Variants in TEAD2 observed in about 807,000 individuals in gnomAD.
TEAD2 encodes the protein TEA domain transcription factor 2.
A neutral mutation model predicts 61.4 loss-of-function variants in TEAD2; 51 were observed. The observed-to-expected ratio is 0.83, with a 90% CI of 0.66 to 1.05. TEAD2 has a LOEUF of 1.05. TEAD2 is among the 50% of genes least tolerant of loss of function. TEAD2 has a pLI of 0.00. For synonymous variants in TEAD2, 244 were observed against 243.2 expected (o/e 1.00, Z -0.03); for missense variants, 509 against 600.0 (o/e 0.85, Z 1.58).
chr19:49,357,242 T>A lies in TEAD2; in HGVS notation c.360+10A>T. On this transcript the variant is annotated intron_variant, in intron 4 of 12. Transcript: ENST00000593945. The stretch of plus-strand genomic sequence containing the variant: ...TGTCCCCCTCTCAGGATGTCTGCAT[T>A]GGTCCCTACCTTCAACTTGGACTGG... 6.2e-7 allele frequency: 1 copy of A among 1,600,458 alleles called. No individual in the cohort carries two copies. The highest frequency in any genetic ancestry group is 2.3e-5 in the East Asian group (1 of 43,528).
Position 49,341,418 on chromosome 19 carries a change from G to T in TEAD2, c.1262C>A (p.Thr421Asn). 1 of 1,614,004 alleles carries T rather than the reference G, an allele frequency of 6.2e-7. No homozygotes were observed. The highest frequency in any genetic ancestry group is 8.5e-7 in the Non-Finnish European group (1 of 1,179,912). The change falls in exon 13 of 13, where the codon ACC becomes AAC. Residue 421 changes from threonine (T) to asparagine (N), a missense_variant. Coordinates refer to ENST00000593945, the MANE Select transcript of TEAD2 (RefSeq NM_001256660.2). The surrounding 1 kb of genome is among the most constrained non-coding windows in gnomAD (Gnocchi z 4.2). ...TILQVVTNRD[T>N]QELLLCTAYV... ...GGCGGTGCAGAGCAGCAGTTCCTGG[G>T]TGTCTCTGTTTGTCACCACCTGCCA...
At chr19:49,355,548 C>A in intron 5 of TEAD2, 129 bp from the exon 6 acceptor site, 1 of 750,142 alleles carries the variant, frequency 1.3e-6, no homozygotes, top group South Asian at 1.7e-5. Context: ...GGTTAGTGGC[C>A]GGGCATGGTG....
chr19:49,345,006 C>A (rs139299738), intron 10 of TEAD2, among the ~76,000 whole-genome samples: 1 of 152,176 alleles, frequency 6.6e-6, no homozygotes, highest in Non-Finnish European at 1.5e-5. Context: ...CTCAGGGGCC[C>A]GACTCCATCT....
rs781083059 is a variant in TEAD2, at chr19:49,348,760, G to T, written c.690C>A (p.Ala230=). Residue 230 remains alanine, a synonymous_variant, in exon 9 of 13, where the codon GCC becomes GCA. Transcript: ENST00000593945. The stretch of plus-strand genomic sequence containing the variant: ...CTGAGAACTCTACCAGCTGCAACCG[G>T]GCGGTGCCCAGGCCCCGAGCCTGCC... ...PAWQARGLGT[A]RLQLVEFSAF... is the part of the protein sequence containing the mutation. 6.2e-7 allele frequency: 1 copy of T among 1,614,066 alleles called. No homozygotes were observed. The highest frequency in any genetic ancestry group is 1.7e-4 in the Middle Eastern group (1 of 6,054).
At chr19:49,352,759 C>T (rs544504949) in intron 7 of TEAD2, among the ~76,000 whole-genome samples, 8 of 152,212 alleles carry the variant, frequency 5.3e-5, no homozygotes, top group African/African-American at 1.9e-4. Context: ...AGGCTGGTCT[C>T]GAACTCCTGA....
At position 49,359,587 on chromosome 19, in the gene TEAD2, G is replaced by A. The variant is rs1972673274; in HGVS notation, c.233-88C>T. 1 of 1,486,704 alleles carries A rather than the reference G, an allele frequency of 6.7e-7. No homozygotes were observed. 92.1% of individuals were successfully genotyped at this position (1,486,704 alleles called of 1,614,324 possible). On this transcript the variant is annotated intron_variant, in intron 2 of 12. Transcript: ENST00000593945. The surrounding 1 kb of genome is among the most constrained non-coding windows in gnomAD (Gnocchi z 4.1). The stretch of plus-strand genomic sequence containing the variant: ...ACACCAGGGAAGAAGAAAGCAGCAT[G>A]GGTCCCCAAAGGTCTGCAGCAAGTG...
At position 49,348,832 on chromosome 19, in the gene TEAD2, G is replaced by C; in HGVS notation, c.618C>G (p.Pro206=). ...PSTDLPGYEP[P]QALSPLPPPT... is the part of the protein sequence containing the mutation. Reference sequence around the variant, plus strand: ...GTGGGGGCAGGGGTGAGAGGGCTTGGGGGGGCTCGTACCCTAGAGAGAGAG... The same window carrying C: ...GTGGGGGCAGGGGTGAGAGGGCTTGCGGGGGCTCGTACCCTAGAGAGAGAG... Residue 206 remains proline (P), a synonymous_variant, in exon 9 of 13, where the codon CCC becomes CCG. Coordinates refer to ENST00000593945, the MANE Select transcript of TEAD2 (RefSeq NM_001256660.2). The C allele has an allele frequency of 6.4e-7, 1 of 1,573,660 alleles. No homozygotes were observed. Among genetic ancestry groups the C allele is most frequent in the Non-Finnish European group, 8.6e-7 (1 of 1,164,506 alleles).
At position 49,359,576 on chromosome 19, in the gene TEAD2, G is replaced by A; in HGVS notation, c.233-77C>T. ...CCACAGCATGGACACCAGGGAAGAA[G>A]AAAGCAGCATGGGTCCCCAAAGGTC... On this transcript the variant is annotated intron_variant, in intron 2 of 12. Coordinates refer to ENST00000593945, the MANE Select transcript of TEAD2 (RefSeq NM_001256660.2). This position sits in a 1 kb window ranked among gnomAD's most constrained non-coding sequence, Gnocchi z 4.1. 3 of 1,536,514 alleles carry A rather than the reference G, an allele frequency of 2.0e-6. No individual in the cohort carries two copies. Among genetic ancestry groups the A allele is most frequent in the East Asian group, 2.3e-5 (1 of 44,414 alleles).
intron 10 of TEAD2, 107 bp downstream of exon 10, chr19:49,347,083 C>G: frequency 6.9e-7 from 1 of 1,445,156 alleles, no homozygotes; most frequent in Non-Finnish European, 9.5e-7. Flanking sequence ...ACTGGTAAGT[C>G]CCAGGCTGAC....
chr19:49,354,058 A>G (rs1232495021), intron 7 of TEAD2, among the ~76,000 whole-genome samples: 4 of 149,046 alleles, frequency 2.7e-5, no homozygotes, highest in Non-Finnish European at 5.9e-5. Flanking sequence ...TCAGCCTCCC[A>G]AAGTGCTGGG....
intron 1 of TEAD2, among the ~76,000 whole-genome samples, chr19:49,360,961 C>T (rs1369970522): frequency 4.0e-5 from 3 of 74,392 alleles, no homozygotes; most frequent in Non-Finnish European, 7.1e-5. Context: ...AGACCAGTGA[C>T]GGAGGGGACA....
chr19:49,352,614 G>A (rs942125276), intron 7 of TEAD2, among the ~76,000 whole-genome samples: 3 of 152,148 alleles, frequency 2.0e-5, no homozygotes, highest in African/African-American at 4.8e-5. Context: ...TTGGCTCACC[G>A]CAACCTCCGC....
intron 7 of TEAD2, among the ~76,000 whole-genome samples, chr19:49,353,979 T>C (rs371036731): frequency 6.6e-6 from 1 of 150,618 alleles, no homozygotes; most frequent in African/African-American, 2.4e-5. Flanking sequence ...TTGGTGTTTT[T>C]AGTAGAGACG....
Position 49,359,722 on chromosome 19 carries a change from G to T in TEAD2, c.232+122C>A. The T allele has an allele frequency of 8.9e-7, 1 of 1,121,386 alleles. No homozygotes were observed. Among genetic ancestry groups the T allele is most frequent in the Non-Finnish European group, 1.3e-6 (1 of 767,030 alleles). 69.5% of individuals were successfully genotyped at this position (1,121,386 alleles called of 1,614,324 possible). On this transcript the variant is annotated intron_variant, in intron 2 of 12. Transcript: ENST00000593945. The surrounding 1 kb of genome is among the most constrained non-coding windows in gnomAD (Gnocchi z 4.1). ...TAAGCAAATCACTTAACCTAGCTGT[G>T]CCTCAGTTTCCTCATCTGTGCAAAT...
chr19:49,350,597 A>C (rs1358245724), intron 8 of TEAD2, among the ~76,000 whole-genome samples: 1 of 152,032 alleles, frequency 6.6e-6, no homozygotes, highest in Non-Finnish European at 1.5e-5. Context: ...GGCCTCCCAA[A>C]GTGCTGGGAT....
chr19:49,351,346 T>C lies in TEAD2; in HGVS notation c.559A>G (p.Thr187Ala). The change falls in exon 8 of 13, where the codon ACA (threonine) becomes GCA (alanine). Residue 187 changes from threonine to alanine, a missense_variant. Coordinates refer to ENST00000593945, the MANE Select transcript of TEAD2 (RefSeq NM_001256660.2). ...GGAGTCAGTGACAAGGTGAACGGTGTCTGTGAGAATGGCTTCACACTGAGG... is the reference window on the plus strand; with the variant it reads ...GGAGTCAGTGACAAGGTGAACGGTGCCTGTGAGAATGGCTTCACACTGAGG... The part of the protein sequence containing the change: ...NVPDVKPFSQ[T>A]PFTLSLTPPS... 1 of 1,612,310 alleles carries C rather than the reference T, an allele frequency of 6.2e-7. No individual in the cohort carries two copies. Among genetic ancestry groups the C allele is most frequent in the Non-Finnish European group, 8.5e-7 (1 of 1,179,404 alleles).
intron 3 of TEAD2, 60 bp from the exon 4 acceptor site, chr19:49,357,374 C>G: frequency 6.5e-7 from 1 of 1,535,964 alleles, no homozygotes; most frequent in Non-Finnish European, 9.0e-7. Flanking sequence ...TGTTCACTAC[C>G]CCTTCTCTCC....
chr19:49,355,770 T>C (rs1317279909), intron 5 of TEAD2, among the ~76,000 whole-genome samples, 189 bp downstream of exon 5: 1 of 151,294 alleles, frequency 6.6e-6, no homozygotes, highest in Non-Finnish European at 1.5e-5. Context: ...GAGGTTGCAG[T>C]GAGTGGAGAT....
In TEAD2 at chr19:49,341,134, A is replaced by G; in HGVS notation, c.*190T>C. 1 of 587,142 alleles carries G rather than the reference A, an allele frequency of 1.7e-6. No individual in the cohort carries two copies. The highest frequency in any genetic ancestry group is 3.0e-6 in the Non-Finnish European group (1 of 329,294). The allele number at this position is 587,142 out of a possible 1,614,324, so 36.4% of individuals were successfully genotyped here. A position where few individuals can be genotyped will look rare whatever the true frequency, so the allele number is the denominator to read the frequency against. On this transcript the variant is annotated 3_prime_UTR_variant, in exon 13 of 13. Transcript: ENST00000593945. This position sits in a 1 kb window ranked among gnomAD's most constrained non-coding sequence, Gnocchi z 4.2. The stretch of plus-strand genomic sequence containing the variant: ...CGGGGTTTATCCTTTCCTCAGTCCC[A>G]GCCTGTTCAGCTCTCCAACCAAGTT...
Sources: gnomAD v4.1 joint callset for allele counts (sites outside exome capture counted in the v4.1 genomes callset) on GRCh38, gnomAD v4.1.1 for gene constraint, Gnocchi (gnomAD v3.1) non-coding constraint, MANE v1.5 for transcripts, NCBI Gene and HGNC (gene_info 2026-07-23, HGNC 2026-07-21) for gene names.